BARD1: variants seen among roughly 807,000 people sequenced by gnomAD.
The protein encoded by BARD1 is BRCA1-associated RING domain protein 1.
In BARD1, 73 loss-of-function variants were observed where a neutral mutation model predicts 77.0. That is an observed-to-expected ratio of 0.95 (90% CI 0.79 to 1.15). BARD1 has a LOEUF of 1.15. Among genes scored for constraint, BARD1 ranks in the 50% most tolerant of loss-of-function variants. The pLI is 0.00. For synonymous variants in BARD1, 384 were observed against 338.0 expected, an observed-to-expected ratio of 1.14 and a Z score of -1.49; for missense variants, 993 against 938.8, an observed-to-expected ratio of 1.06 and a Z score of -0.75.
chr2:214,728,624 G>A lies in BARD1; in HGVS notation c.*52C>T. ...AACATTAAAAACAGTACAATGACTG[G>A]GCTCTCACAAACCGTGCAAATTCAA... is the stretch of plus-strand genomic sequence containing the variant. On this transcript the variant is annotated 3_prime_UTR_variant, in exon 11 of 11. Transcript: ENST00000260947. 1 of 1,549,522 alleles carries A rather than the reference G, an allele frequency of 6.5e-7. No homozygotes were observed. Among genetic ancestry groups the A allele is most frequent in the Non-Finnish European group, 8.9e-7 (1 of 1,125,790 alleles).
rs750878896 is a variant in BARD1 at position 214,792,387 on chromosome 2, T to C, written c.274A>G (p.Ile92Val). Reference sequence around the variant, plus strand: ...TGTCTATTTATCTTCAAGTCTTGTATCCAGGCCGGGGTGTAACACACTGGA... The same window carrying C: ...TGTCTATTTATCTTCAAGTCTTGTACCCAGGCCGGGGTGTAACACACTGGA... ...GCPVCYTPAW[I>V]QDLKINRQLD... The change falls in exon 3 of 11, where the codon ATA becomes GTA. Residue 92 changes from isoleucine to valine, a missense_variant. Physicochemically the swap from Ile to Val is conservative, Grantham distance 29. Transcript: ENST00000260947. The C allele has an allele frequency of 6.2e-7, 1 of 1,612,492 alleles. No homozygotes were observed. Among genetic ancestry groups the C allele is most frequent in the South Asian group, 1.1e-5 (1 of 91,002 alleles).
Position 214,727,774 on chromosome 2 carries a change from A to T in BARD1, c.*902T>A. 4.4e-6 allele frequency: 1 copy of T among 227,128 alleles called. No homozygotes were observed. Among genetic ancestry groups the T allele is most frequent in the Non-Finnish European group, 8.8e-6 (1 of 114,234 alleles). The allele number at this position is 227,128 out of a possible 1,614,324, so 14.1% of individuals were successfully genotyped here. A position where few individuals can be genotyped will look rare whatever the true frequency, so the allele number is the denominator to read the frequency against. On this transcript the variant is annotated 3_prime_UTR_variant, in exon 11 of 11. Coordinates refer to ENST00000260947, the MANE Select transcript of BARD1 (RefSeq NM_000465.4). ...AAAAACCTTTTCCTTTTACAAAGGAAGAAATTAAGACCTTCAAAATTATTT... is the reference window on the plus strand; with the variant it reads ...AAAAACCTTTTCCTTTTACAAAGGATGAAATTAAGACCTTCAAAATTATTT...
chr2:214,784,335 C>T (rs755484486), intron 3 of BARD1, among the ~76,000 whole-genome samples: 3 of 152,210 alleles, frequency 2.0e-5, no homozygotes, highest in African/African-American at 4.8e-5. Context: ...GATATCATCT[C>T]ACGCCAGTTA....
At chr2:214,740,160 T>C (rs939427339) in intron 9 of BARD1, among the ~76,000 whole-genome samples, 4 of 152,066 alleles carry the variant, frequency 2.6e-5, no homozygotes, top group Non-Finnish European at 4.4e-5. Context: ...TGAAGTCATA[T>C]ATTAAAAGTT....
At chr2:214,751,095 G>C (rs867830158) in intron 7 of BARD1, among the ~76,000 whole-genome samples, 1,131 of 9,102 alleles carry the variant, frequency 0.12, 87 homozygotes, top group Middle Eastern at 0.25. Context: ...GTGTGTGTGT[G>C]TGTGTGTGTG....
intron 2 of BARD1, 41 bp from the exon 3 acceptor site, chr2:214,792,486 A>G (rs1271465710): frequency 6.6e-7 from 1 of 1,506,750 alleles, no homozygotes; most frequent in Admixed American, 2.3e-5. Context: ...CAACCCATTC[A>G]GCAGAATTTA....
intron 7 of BARD1, among the ~76,000 whole-genome samples, chr2:214,748,324 T>C (rs561428772): frequency 6.6e-6 from 1 of 152,252 alleles, no homozygotes; most frequent in African/African-American, 2.4e-5. Context: ...GGGATTTGAC[T>C]TGAATAAGCA....
chr2:214,748,422 T>C (rs1354193991), intron 7 of BARD1, among the ~76,000 whole-genome samples: 1 of 152,090 alleles, frequency 6.6e-6, no homozygotes, highest in Non-Finnish European at 1.5e-5. Flanking sequence ...AGATACTATG[T>C]TCATTAGCAT....
chr2:214,737,570 T>C (rs1692621527), intron 9 of BARD1, among the ~76,000 whole-genome samples: 2 of 152,136 alleles, frequency 1.3e-5, no homozygotes, highest in Non-Finnish European at 2.9e-5. Flanking sequence ...CAGTTACAAA[T>C]TCATATCAAC....
At chr2:214,793,586 T>C (rs1419740538) in intron 2 of BARD1, among the ~76,000 whole-genome samples, 5 of 152,182 alleles carry the variant, frequency 3.3e-5, no homozygotes, top group Admixed American at 1.3e-4. Context: ...AAATACAATC[T>C]GAAATCAACT....
intron 3 of BARD1, among the ~76,000 whole-genome samples, chr2:214,789,926 T>C (rs1695439879): frequency 6.6e-6 from 1 of 152,152 alleles, no homozygotes; most frequent in Non-Finnish European, 1.5e-5. Context: ...AAATGGCCTT[T>C]GGGAAATTAA....
intron 3 of BARD1, among the ~76,000 whole-genome samples, chr2:214,789,071 G>A (rs1695403178): frequency 6.6e-6 from 1 of 152,052 alleles, no homozygotes; most frequent in African/African-American, 2.4e-5. Context: ...TGGACAGAAG[G>A]TTATAATTCA....
Position 214,730,447 on chromosome 2 carries a change from T to G in BARD1, c.1965A>C (p.Glu655Asp). The G allele has an allele frequency of 6.2e-7, 1 of 1,613,864 alleles. No individual in the cohort carries two copies. Among genetic ancestry groups the G allele is most frequent in the Non-Finnish European group, 8.5e-7 (1 of 1,179,826 alleles). Residue 655 changes from glutamate to aspartate, a missense_variant, in exon 10 of 11, where the codon GAA becomes GAC. By Grantham distance (45) the Glu-to-Asp change is conservative. Transcript: ENST00000260947. Reference protein sequence around the residue: ...CEQEEKYEIPEGPRRSRLNRE... With the variant: ...CEQEEKYEIPDGPRRSRLNRE... Reference sequence around the variant, plus strand: ...TGTTGAGCCTGCTTCTGCGTGGACCTTCAGGAATTTCATACTTTTCTTCCT... The same window carrying G: ...TGTTGAGCCTGCTTCTGCGTGGACCGTCAGGAATTTCATACTTTTCTTCCT...
intron 6 of BARD1, among the ~76,000 whole-genome samples, chr2:214,766,145 G>C (rs1694184561): frequency 1.3e-5 from 2 of 152,086 alleles, no homozygotes; most frequent in South Asian, 4.1e-4. Context: ...ACAGATTAAA[G>C]ATACAAAATC....
At chr2:214,797,032 A>G (rs201352367) in intron 2 of BARD1, 29 bp downstream of exon 2, 1 of 1,530,446 alleles carries the variant, frequency 6.5e-7, no homozygotes, top group East Asian at 2.3e-5. Context: ...ATACAGTTGT[A>G]CTATATACAT....
At chr2:214,784,329 T>G (rs1324880826) in intron 3 of BARD1, among the ~76,000 whole-genome samples, 1 of 152,106 alleles carries the variant, frequency 6.6e-6, no homozygotes, top group Admixed American at 6.5e-5. Flanking sequence ...CAATGAGATA[T>G]CATCTCACGC....
intron 1 of BARD1, among the ~76,000 whole-genome samples, chr2:214,799,033 C>G (rs1409893856): frequency 6.6e-6 from 1 of 152,184 alleles, no homozygotes; most frequent in Non-Finnish European, 1.5e-5. Context: ...ACAAGAATCA[C>G]TTGAACCTGG....
intron 2 of BARD1, among the ~76,000 whole-genome samples, chr2:214,795,671 G>A (rs1695725458): frequency 6.6e-6 from 1 of 152,068 alleles, no homozygotes; most frequent in Non-Finnish European, 1.5e-5. Flanking sequence ...TCAGAAAAAA[G>A]GTGGAAAAAT....
At chr2:214,799,692 A>C (rs994939265) in intron 1 of BARD1, among the ~76,000 whole-genome samples, 14 of 152,120 alleles carry the variant, frequency 9.2e-5, no homozygotes, top group African/African-American at 3.4e-4. Context: ...ATGAACAGGT[A>C]ATCTCTCCTT....
Sources: allele counts gnomAD v4.1 joint callset (sites outside exome capture counted in the v4.1 genomes callset), GRCh38; gene constraint gnomAD v4.1.1; transcripts MANE v1.5; gene names NCBI Gene and HGNC (gene_info 2026-07-23, HGNC 2026-07-21).